Variants in SFXN2 observed in about 807,000 individuals in gnomAD.
SFXN2 encodes sideroflexin-2.
SFXN2 carries 37 observed loss-of-function variants against 41.9 expected under a neutral mutation model. The ratio of observed to expected loss-of-function variants is 0.88; its 90% CI spans 0.68 to 1.16. SFXN2 has a LOEUF of 1.16. Among genes scored for constraint, SFXN2 ranks in the 50% most tolerant of loss-of-function variants. The pLI is 0.00. For missense variants in SFXN2, 386 were observed against 425.2 expected (o/e 0.91, Z 0.81); for synonymous variants, 150 against 156.7 (o/e 0.96, Z 0.32).
At chr10:102,728,600 T>A in intron 4 of SFXN2, 71 bp downstream of exon 4, 1 of 1,360,976 alleles carries the variant, frequency 7.3e-7, no homozygotes, top group South Asian at 1.2e-5. Flanking sequence ...TTCTGGGCTG[T>A]CAGTCCTTCC....
chr10:102,727,780 C>T (rs1223645777), intron 3 of SFXN2: 1 of 153,940 alleles, frequency 6.5e-6, no homozygotes, highest in Non-Finnish European at 1.4e-5. Context: ...TAAACAGTTA[C>T]AGTACAGCTT....
In SFXN2 at chr10:102,737,704, C is replaced by G; in HGVS notation, c.911C>G (p.Thr304Ser). 1.9e-6 allele frequency: 3 copies of G among 1,613,268 alleles called. No individual in the cohort carries two copies. The highest frequency in any genetic ancestry group is 2.5e-6 in the Non-Finnish European group (3 of 1,179,384). The change falls in exon 12 of 12, where the codon ACT becomes AGT. Residue 304 changes from threonine (T) to serine (S), a missense_variant. By Grantham distance (58) the Thr-to-Ser change is moderately conservative. Transcript: ENST00000369893. Reference sequence around the variant, plus strand: ...TATCTGGAACCGAAGCTCCAAGACACTATCAAGGCCAAGTATGGAGAACTT... The same window carrying G: ...TATCTGGAACCGAAGCTCCAAGACAGTATCAAGGCCAAGTATGGAGAACTT... The part of the protein sequence containing the change: ...VSYLEPKLQD[T>S]IKAKYGELEP...
At chr10:102,735,808 G>C in intron 10 of SFXN2, 54 bp from the exon 11 acceptor site, 5 of 1,588,240 alleles carry the variant, frequency 3.1e-6, no homozygotes, top group Non-Finnish European at 4.3e-6. Context: ...GATGGGGGAT[G>C]GACGGGCCTG....
At chr10:102,723,207 A>C (rs544939700) in intron 1 of SFXN2, among the ~76,000 whole-genome samples, 2 of 150,888 alleles carry the variant, frequency 1.3e-5, no homozygotes, top group East Asian at 3.9e-4. Context: ...TGGCCTCCAA[A>C]GTGCTGAGAT....
intron 9 of SFXN2, among the ~76,000 whole-genome samples, chr10:102,733,338 C>T (rs1030077780): frequency 4.6e-5 from 7 of 151,988 alleles, no homozygotes; most frequent in East Asian, 1.9e-4. Context: ...TTAGTAGAGA[C>T]GGGTTTTCAC....
intron 1 of SFXN2, among the ~76,000 whole-genome samples, chr10:102,717,001 C>T (rs1399664194): frequency 6.6e-6 from 1 of 152,090 alleles, no homozygotes; most frequent in East Asian, 1.9e-4. Context: ...AGTGCAGGGC[C>T]AAGTGTATCA....
chr10:102,718,918 CTTTTTT>C (rs34471332), intron 1 of SFXN2, among the ~76,000 whole-genome samples: 6 of 74,290 alleles, frequency 8.1e-5, no homozygotes, highest in South Asian at 5.9e-4. Flanking sequence ...TTCTCGGCTT[CTTTTTT>C]TTTTTTTTTT....
In SFXN2 at chr10:102,735,889, T is replaced by TG. The variant is rs774352226; in HGVS notation, c.852dup (p.Leu285AlafsTer7). 2.5e-6 allele frequency: 4 copies of TG among 1,614,156 alleles called. No individual in the cohort carries two copies. In the South Asian group the frequency reaches 4.4e-5, roughly 18 times the overall value. On this transcript the variant is annotated frameshift_variant, in exon 11 of 12. Coordinates refer to ENST00000369893, the MANE Select transcript of SFXN2 (RefSeq NM_178858.6). LOFTEE classifies it high-confidence loss of function. The stretch of plus-strand genomic sequence containing the variant: ...TCATCTTCATGGTGCCAGTGGCGTG[T>TG]GGGCTTTTCCCACAGAAATGGTATC...
chr10:102,728,663 G>A, intron 4 of SFXN2, 134 bp downstream of exon 4: 1 of 715,412 alleles, frequency 1.4e-6, no homozygotes, highest in South Asian at 1.6e-5. Flanking sequence ...CCAGGGTTTG[G>A]AAATATTTTC....
chr10:102,736,423 A>ATTT lies in SFXN2; in HGVS notation c.869+529_869+531dup, dbSNP rs35797507. ...AGGTGCCTGCCACCATGCCCAGCTC[A>ATTT]TTTTTTTTTTTTTTTTTGAGATGGA... On this transcript the variant is annotated intron_variant, in intron 11 of 11. Transcript: ENST00000369893. 1.5e-3 allele frequency among the ~76,000 whole-genome samples: 183 copies of ATTT among 124,752 alleles called. 7 individuals carry two copies. The highest frequency in any genetic ancestry group is 8.4e-3 in the Middle Eastern group (2 of 238). 81.8% of individuals were successfully genotyped at this position (124,752 alleles called of 152,430 possible). A position where few individuals can be genotyped will look rare whatever the true frequency, so the allele number is the denominator to read the frequency against.
chr10:102,727,282 C>A (rs182677859), intron 3 of SFXN2, 125 bp downstream of exon 3: 2 of 1,035,242 alleles, frequency 1.9e-6, no homozygotes, highest in African/African-American at 1.6e-5. Context: ...CACTATGCTA[C>A]ATTCTTTGCT....
intron 1 of SFXN2, chr10:102,717,847 G>C (rs1274869500): frequency 1.1e-6 from 1 of 943,716 alleles, no homozygotes; most frequent in African/African-American, 1.8e-5. Flanking sequence ...ACATGATCCC[G>C]ATGCTTGTGA....
chr10:102,732,811 G>C (rs375352850), intron 8 of SFXN2, 48 bp from the exon 9 acceptor site: 56 of 1,606,126 alleles, frequency 3.5e-5, no homozygotes, highest in Middle Eastern at 1.7e-4. Flanking sequence ...AGGAGTCCTG[G>C]GGAGAGCCTC....
At chr10:102,733,752 C>T (rs1440716372) in intron 10 of SFXN2, 149 bp downstream of exon 10, 2 of 685,476 alleles carry the variant, frequency 2.9e-6, no homozygotes, top group Non-Finnish European at 2.6e-6. Flanking sequence ...ATCTGGAAAG[C>T]TCTCACCCCA....
intron 9 of SFXN2, 132 bp from the exon 10 acceptor site, chr10:102,733,422 A>G: frequency 1.5e-6 from 1 of 686,130 alleles, no homozygotes; most frequent in Non-Finnish European, 2.6e-6. Flanking sequence ...TGCTGGGATT[A>G]CAGGCATGAG....
rs950639838 is a variant in SFXN2, at chr10:102,734,050, G to A, written c.821+447G>A. Among the ~76,000 whole-genome samples, 12 of 152,246 alleles carry A rather than the reference G, an allele frequency of 7.9e-5. No individual in the cohort carries two copies. Among genetic ancestry groups the A allele is most frequent in the Admixed American group, 2.0e-4 (3 of 15,282 alleles). On this transcript the variant is annotated intron_variant, in intron 10 of 11. Coordinates refer to ENST00000369893, the MANE Select transcript of SFXN2 (RefSeq NM_178858.6). The surrounding 1 kb of genome is among the most constrained non-coding windows in gnomAD (Gnocchi z 4.1). ...TTACAGGCACGCACCATGATGCCTT[G>A]CTAATTTTTGTATTTCATCATGTTG... is the stretch of plus-strand genomic sequence containing the variant.
At chr10:102,733,485 G>A in intron 9 of SFXN2, 69 bp from the exon 10 acceptor site, 1 of 1,308,112 alleles carries the variant, frequency 7.6e-7, no homozygotes, top group South Asian at 1.2e-5. Context: ...CCATGGCAGA[G>A]CAGGGTTGGG....
rs117895046 is a variant in SFXN2 at position 102,739,494 on chromosome 10, A to G, written c.*1732A>G. 6.6e-6 allele frequency: 1 copy of G among 151,448 alleles called. No individual in the cohort carries two copies. The highest frequency in any genetic ancestry group is 2.4e-5 in the African/African-American group (1 of 41,184). The allele number at this position is 151,448 out of a possible 1,614,324, so 9.4% of individuals were successfully genotyped here. A position where few individuals can be genotyped will look rare whatever the true frequency, so the allele number is the denominator to read the frequency against. ...GCTAAGAATGTTTTTACATTTTTAA[A>G]GAGTTGTAAAAGGGAACAACAGGAA... On this transcript the variant is annotated 3_prime_UTR_variant, in exon 12 of 12. Transcript: ENST00000369893.
rs914826158 is a variant in SFXN2 at position 102,742,717 on chromosome 10, G to C, written c.*4955G>C. 6.6e-6 allele frequency: 1 copy of C among 151,566 alleles called. No individual in the cohort carries two copies. The allele number at this position is 151,566 out of a possible 1,614,324, so 9.4% of individuals were successfully genotyped here. A position where few individuals can be genotyped will look rare whatever the true frequency, so the allele number is the denominator to read the frequency against. ...ACTCCTGAGCTCAAGGGATCTACCT[G>C]CCTCAGCCTCCCAAAGGGCTAGGAT... On this transcript the variant is annotated 3_prime_UTR_variant, in exon 12 of 12. Transcript: ENST00000369893.
Sources: gnomAD v4.1 joint callset for allele counts (sites outside exome capture counted in the v4.1 genomes callset) on GRCh38, gnomAD v4.1.1 for gene constraint, Gnocchi (gnomAD v3.1) non-coding constraint, MANE v1.5 for transcripts, NCBI Gene and HGNC (gene_info 2026-07-23, HGNC 2026-07-21) for gene names.